Variants in TEKT5 observed in about 807,000 individuals in gnomAD.
The protein encoded by TEKT5 is tektin-5.
In TEKT5, 52 loss-of-function variants were observed where a neutral mutation model predicts 48.7. The observed-to-expected ratio is 1.07, with a 90% confidence interval of 0.86 to 1.35. The LOEUF is 1.35. Among genes scored for constraint, TEKT5 ranks in the 40% most tolerant of loss-of-function variants. The probability of loss-of-function intolerance (pLI) is 0.00; values close to 1 mark genes in which losing one functional copy is unlikely to be tolerated. For synonymous variants in TEKT5, 318 were observed against 267.6 expected (o/e 1.19, Z -1.84); for missense variants, 831 against 641.6 (o/e 1.30, Z -3.19).
chr16:10,675,892 C>T, intron 5 of TEKT5, 67 bp downstream of exon 5: 1 of 1,534,142 alleles, frequency 6.5e-7, no homozygotes, highest in South Asian at 1.1e-5. Context: ...CCAGATAACA[C>T]TCAGATTCAC....
intron 5 of TEKT5, among the ~76,000 whole-genome samples, chr16:10,652,511 G>A (rs1898177132): frequency 8.3e-6 from 1 of 121,018 alleles, no homozygotes; most frequent in African/African-American, 3.2e-5. Context: ...AGGCCAGGTA[G>A]AGCGATCCCT....
At chr16:10,653,528 T>A (rs1383230062) in intron 5 of TEKT5, among the ~76,000 whole-genome samples, 1 of 152,230 alleles carries the variant, frequency 6.6e-6, no homozygotes, top group Non-Finnish European at 1.5e-5. Flanking sequence ...CTGTGCCTCA[T>A]GCAATATGCA....
At chr16:10,655,456 T>C (rs1030085933) in intron 5 of TEKT5, among the ~76,000 whole-genome samples, 1 of 152,218 alleles carries the variant, frequency 6.6e-6, no homozygotes, top group East Asian at 1.9e-4. Flanking sequence ...GCCTGCCATA[T>C]AGGATTATTG....
intron 5 of TEKT5, among the ~76,000 whole-genome samples, chr16:10,647,064 GC>G (rs1898080476): frequency 6.6e-6 from 1 of 152,116 alleles, no homozygotes. Flanking sequence ...GTGCCACTTT[GC>G]CCAGTGTTTG....
intron 6 of TEKT5, among the ~76,000 whole-genome samples, chr16:10,629,542 C>T (rs552252039): frequency 5.3e-5 from 8 of 152,218 alleles, no homozygotes; most frequent in South Asian, 4.1e-4. Flanking sequence ...TGAGCCACCA[C>T]GCCTGGCCCT....
chr16:10,646,326 A>C lies in TEKT5; in HGVS notation c.1087-10408T>G, dbSNP rs111609592. On this transcript the variant is annotated intron_variant, in intron 5 of 6. Transcript: ENST00000283025. ...CCCAGTGACTCTTGTGCACACTCAAATTTGGGAACAACCTGCCCTACAAAT... is the reference window on the plus strand; with the variant it reads ...CCCAGTGACTCTTGTGCACACTCAACTTTGGGAACAACCTGCCCTACAAAT... 5.6e-3 allele frequency among the ~76,000 whole-genome samples: 859 copies of C among 152,288 alleles called. 7 individuals are homozygous for C. The highest frequency in any genetic ancestry group is 9.3e-3 in the Non-Finnish European group (635 of 68,010).
chr16:10,644,997 G>A (rs1323516777), intron 5 of TEKT5, among the ~76,000 whole-genome samples: 2 of 152,162 alleles, frequency 1.3e-5, no homozygotes, highest in African/African-American at 4.8e-5. Flanking sequence ...CTTTCTGCCA[G>A]GTGAAGAAAT....
chr16:10,652,451 AACAC>A (rs572277672), intron 5 of TEKT5, among the ~76,000 whole-genome samples: 8,931 of 66,648 alleles, frequency 0.13, 325 homozygotes, highest in Middle Eastern at 0.21. Context: ...TACACAGGCA[AACAC>A]ACACACACAC....
intron 5 of TEKT5, among the ~76,000 whole-genome samples, chr16:10,640,715 G>GTA (rs147601228): frequency 6.6e-6 from 1 of 151,472 alleles, no homozygotes; most frequent in African/African-American, 2.4e-5. Context: ...GAATCTGACA[G>GTA]TATATATATA....
intron 5 of TEKT5, among the ~76,000 whole-genome samples, chr16:10,649,242 C>G (rs1403103797): frequency 6.6e-6 from 1 of 151,980 alleles, no homozygotes; most frequent in Non-Finnish European, 1.5e-5. Flanking sequence ...ACCCAGTCTC[C>G]TATGTAGCTG....
chr16:10,685,516 C>T (rs1185786070), intron 3 of TEKT5, among the ~76,000 whole-genome samples: 1 of 152,098 alleles, frequency 6.6e-6, no homozygotes, highest in Non-Finnish European at 1.5e-5. Context: ...AGACTGGTCT[C>T]GAACTCCTGA....
intron 5 of TEKT5, among the ~76,000 whole-genome samples, chr16:10,653,728 C>T (rs1460137485): frequency 6.6e-6 from 1 of 152,130 alleles, no homozygotes; most frequent in Non-Finnish European, 1.5e-5. Flanking sequence ...GCCTGGCCAA[C>T]ATGGTGAAAC....
intron 5 of TEKT5, among the ~76,000 whole-genome samples, chr16:10,643,208 C>T (rs929655253): frequency 6.6e-6 from 1 of 151,786 alleles, no homozygotes; most frequent in Admixed American, 6.6e-5. Flanking sequence ...CAGTGAGACC[C>T]CATCTCTAAA....
At chr16:10,682,632 C>T (rs1861643) in intron 3 of TEKT5, among the ~76,000 whole-genome samples, 85,512 of 152,072 alleles carry the variant, frequency 0.56, 24,873 homozygotes, top group East Asian at 0.8. Flanking sequence ...CTGGCCCCTG[C>T]TGTCCTTTAG....
intron 5 of TEKT5, among the ~76,000 whole-genome samples, chr16:10,660,179 C>T (rs886578329): frequency 6.6e-6 from 1 of 152,118 alleles, no homozygotes; most frequent in Non-Finnish European, 1.5e-5. Context: ...CCCACCCTAG[C>T]CCAGCCTCCC....
rs758299679 is a variant in TEKT5 at position 10,694,643 on chromosome 16, G to C, written c.231C>G (p.Ile77Met). The change falls in exon 1 of 7, where the codon ATC (isoleucine) becomes ATG (methionine). Residue 77 changes from isoleucine (I) to methionine (M), a missense_variant. Ile to Met is a conservative substitution (Grantham distance 10). Transcript: ENST00000283025. ...ESTSTLRPPT[I>M]LPTLRSALFS... ...AGAGTGCGGAGCGCAGTGTGGGCAG[G>C]ATGGTGGGCGGCCGCAGGGTACTGG... 2 of 1,613,086 alleles carry C rather than the reference G, an allele frequency of 1.2e-6. No homozygotes were observed. Among genetic ancestry groups the C allele is most frequent in the Admixed American group, 1.7e-5 (1 of 59,954 alleles).
At chr16:10,676,711 C>T (rs536936036) in intron 4 of TEKT5, among the ~76,000 whole-genome samples, 21 of 152,200 alleles carry the variant, frequency 1.4e-4, no homozygotes, top group Non-Finnish European at 2.8e-4. Flanking sequence ...CTTTCACTGC[C>T]ATTCATTCAT....
At chr16:10,633,604 G>A (rs1293310092) in intron 6 of TEKT5, among the ~76,000 whole-genome samples, 9 of 152,102 alleles carry the variant, frequency 5.9e-5, no homozygotes, top group South Asian at 2.1e-4. Flanking sequence ...GTGCAATGGC[G>A]CAATCATAGC....
rs1898347355 is a variant in TEKT5 at position 10,660,474 on chromosome 16, C to T, written c.1086+15485G>A. 4.6e-5 allele frequency among the ~76,000 whole-genome samples: 7 copies of T among 152,008 alleles called. No individual in the cohort carries two copies. In the South Asian group the frequency reaches 1.5e-3, roughly 32 times the overall value. On this transcript the variant is annotated intron_variant, in intron 5 of 6. Transcript: ENST00000283025. ...GTTCCCATCTCAGCCCTAACACAAACCAACTGTGGGGCCCAGACCCCCACT... is the reference window on the plus strand; with the variant it reads ...GTTCCCATCTCAGCCCTAACACAAATCAACTGTGGGGCCCAGACCCCCACT...
Sources: allele counts gnomAD v4.1 joint callset (sites outside exome capture counted in the v4.1 genomes callset), GRCh38; gene constraint gnomAD v4.1.1; transcripts MANE v1.5; gene names NCBI Gene and HGNC (gene_info 2026-07-23, HGNC 2026-07-21).